Variants in CFAP263 observed in about 807,000 individuals in gnomAD.
CFAP263 encodes the protein cilia and flagella associated protein 263.
chr16:58,273,154 G>A, the CFAP263 span, among the ~76,000 whole-genome samples: 84 of 152,028 alleles, frequency 5.5e-4, no homozygotes, highest in Non-Finnish European at 9.1e-4. Flanking sequence ...GATGAGTCTG[G>A]GTGTGGATTT....
chr16:58,263,199 G>T, the CFAP263 span, among the ~76,000 whole-genome samples: 3 of 152,168 alleles, frequency 2.0e-5, no homozygotes, highest in African/African-American at 4.8e-5. Flanking sequence ...CTGCAGGCCA[G>T]TGTGTCCCCA....
chr16:58,264,976 G>A, the CFAP263 span, among the ~76,000 whole-genome samples: 2 of 152,196 alleles, frequency 1.3e-5, no homozygotes, highest in Non-Finnish European at 2.9e-5. Context: ...TCTTCTGTGA[G>A]TTTCATGTGT....
chr16:58,267,646 G>C, the CFAP263 span: 2 of 1,059,858 alleles, frequency 1.9e-6, no homozygotes, highest in Non-Finnish European at 2.9e-6. Context: ...ATAAGGGCTT[G>C]AGTCAAGGTC....
the CFAP263 span, among the ~76,000 whole-genome samples, chr16:58,268,649 G>A: frequency 1.3e-5 from 2 of 151,912 alleles, no homozygotes; most frequent in Non-Finnish European, 2.9e-5. Context: ...TCATTTTCTC[G>A]ATGGACAACC....
At chr16:58,250,798 C>G in the CFAP263 span, among the ~76,000 whole-genome samples, 1 of 149,458 alleles carries the variant, frequency 6.7e-6, no homozygotes, top group Admixed American at 6.6e-5. Context: ...TATGATAAAA[C>G]TAACACGGCA....
the CFAP263 span, chr16:58,250,024 G>A: frequency 1.3e-6 from 2 of 1,592,156 alleles, no homozygotes. Flanking sequence ...GATGACTGAT[G>A]ATGAGTCCGA....
At chr16:58,250,015 A>C in the CFAP263 span, 1 of 1,584,490 alleles carries the variant, frequency 6.3e-7, no homozygotes. Context: ...CGGCAGAGTG[A>C]TGACTGATGA....
chr16:58,278,210 C>T, the CFAP263 span, among the ~76,000 whole-genome samples: 1 of 150,572 alleles, frequency 6.6e-6, no homozygotes, highest in Non-Finnish European at 1.5e-5. Flanking sequence ...CAACATATTC[C>T]TTAATAAAGG....
At chr16:58,260,647 A>C in the CFAP263 span, among the ~76,000 whole-genome samples, 8 of 152,340 alleles carry the variant, frequency 5.3e-5, no homozygotes, top group African/African-American at 1.4e-4. Context: ...AAAGGCAGTA[A>C]GGCAAACATG....
At chr16:58,272,107 C>T in the CFAP263 span, among the ~76,000 whole-genome samples, 4 of 151,680 alleles carry the variant, frequency 2.6e-5, no homozygotes, top group Admixed American at 1.3e-4. Flanking sequence ...CTCCACCTCC[C>T]GGGTTCACGC....
At chr16:58,250,207 C>T in the CFAP263 span, 6 of 695,698 alleles carry the variant, frequency 8.6e-6, no homozygotes, top group Non-Finnish European at 1.4e-5. Flanking sequence ...TGGAGAAGAT[C>T]CAAGCCCTCA....
chr16:58,282,557 A>G, the CFAP263 span: 1 of 152,394 alleles, frequency 6.6e-6, no homozygotes, highest in African/African-American at 2.4e-5. Context: ...CCATGCTGCA[A>G]AGCTGCCGTG....
the CFAP263 span, chr16:58,280,099 G>A: frequency 1.1e-6 from 1 of 944,750 alleles, no homozygotes. Context: ...CCCAGTGTAT[G>A]CCATGGGCTT....
the CFAP263 span, among the ~76,000 whole-genome samples, chr16:58,271,855 C>T: frequency 1.5e-4 from 23 of 152,088 alleles, no homozygotes; most frequent in Non-Finnish European, 2.4e-4. Context: ...CTTTCCATAC[C>T]GTACTCTTCG....
the CFAP263 span, among the ~76,000 whole-genome samples, chr16:58,259,238 A>T: frequency 6.6e-6 from 1 of 152,034 alleles, no homozygotes; most frequent in East Asian, 1.9e-4. Flanking sequence ...AAAAACCTTT[A>T]AAAAAATTGT....
At chr16:58,280,792 A>G in the CFAP263 span, 1 of 1,542,728 alleles carries the variant, frequency 6.5e-7, no homozygotes, top group Non-Finnish European at 8.7e-7. Flanking sequence ...AAGTCTTAGA[A>G]AAACTAGTTT....
At chr16:58,250,421 A>G in the CFAP263 span, 2 of 265,580 alleles carry the variant, frequency 7.5e-6, no homozygotes, top group Non-Finnish European at 7.2e-6. Flanking sequence ...CCACAATTCT[A>G]CAGCAGCAAT....
chr16:58,253,936 A>C, the CFAP263 span: 2 of 1,588,146 alleles, frequency 1.3e-6, no homozygotes, highest in East Asian at 2.2e-5. Flanking sequence ...TCTGATGCCT[A>C]TCTTGGGCTG....
chr16:58,270,513 G>A, the CFAP263 span, among the ~76,000 whole-genome samples: 1 of 151,100 alleles, frequency 6.6e-6, no homozygotes, highest in Non-Finnish European at 1.5e-5. Flanking sequence ...TGTAAGTTAA[G>A]GATCATCTGT....
Sources: allele counts gnomAD v4.1 joint callset (sites outside exome capture counted in the v4.1 genomes callset), GRCh38; gene constraint gnomAD v4.1.1; transcripts MANE v1.5; gene names NCBI Gene and HGNC (gene_info 2026-07-23, HGNC 2026-07-21).